PACSIN2: variants seen among roughly 807,000 people sequenced by gnomAD.
PACSIN2 encodes protein kinase C and casein kinase substrate in neurons protein 2.
Under a neutral mutation model 63.8 loss-of-function variants are expected in PACSIN2, and 25 were observed. The ratio of observed to expected loss-of-function variants is 0.39; its 90% CI spans 0.29 to 0.55. The LOEUF (loss-of-function observed/expected upper bound fraction) is 0.55, where lower values mean the gene tolerates loss of function less well. Among genes scored for constraint, PACSIN2 ranks in the 20% least tolerant of loss-of-function variants. The pLI is 0.62. For missense variants in PACSIN2, 518 were observed against 646.9 expected (o/e 0.80, Z 2.16); for synonymous variants, 255 against 256.2 (o/e 1.00, Z 0.05).
chr22:42,909,658 A>G, intron 2 of PACSIN2: 1 of 461,752 alleles, frequency 2.2e-6, no homozygotes, highest in East Asian at 7.1e-5. Context: ...TACTGACATT[A>G]TTGCAGTTGA....
intron 2 of PACSIN2, among the ~76,000 whole-genome samples, chr22:42,902,237 G>A (rs1291172017): frequency 3.9e-5 from 6 of 152,198 alleles, no homozygotes; most frequent in Admixed American, 1.3e-4. Flanking sequence ...TGTTTGAGGC[G>A]GTAGCTGAAG....
chr22:42,981,778 T>G (rs1331846569), intron 1 of PACSIN2, among the ~76,000 whole-genome samples: 526 of 62,154 alleles, frequency 8.5e-3, no homozygotes, highest in African/African-American at 0.015. Flanking sequence ...GGGAGGTGGG[T>G]GGGTCAGCCC....
chr22:42,983,303 C>A (rs1372461129), intron 1 of PACSIN2, among the ~76,000 whole-genome samples: 3 of 135,108 alleles, frequency 2.2e-5, no homozygotes, highest in African/African-American at 8.6e-5. Context: ...GGCAACAGAG[C>A]GAGACTCCAT....
intron 1 of PACSIN2, among the ~76,000 whole-genome samples, chr22:43,004,810 G>C (rs1220008369): frequency 6.6e-6 from 1 of 152,214 alleles, no homozygotes; most frequent in Admixed American, 6.5e-5. Context: ...AGGCCTCCCT[G>C]GGCGCTCTGG....
At chr22:42,919,330 C>T (rs957798854) in intron 1 of PACSIN2, among the ~76,000 whole-genome samples, 2 of 152,042 alleles carry the variant, frequency 1.3e-5, no homozygotes, top group Non-Finnish European at 2.9e-5. Flanking sequence ...AGGCTCGGGG[C>T]GACAGCTGTG....
chr22:42,884,694 C>G (rs1929348221), intron 5 of PACSIN2, 133 bp from the exon 6 acceptor site: 1 of 667,464 alleles, frequency 1.5e-6, no homozygotes, highest in South Asian at 2.0e-5. Context: ...TTCTGACAGA[C>G]TTCAAGTTCA....
intron 7 of PACSIN2, among the ~76,000 whole-genome samples, chr22:42,881,080 G>A (rs903543286): frequency 6.6e-6 from 1 of 152,210 alleles, no homozygotes; most frequent in Non-Finnish European, 1.5e-5. Flanking sequence ...CTGCTCTACT[G>A]CCTCCTACTG....
At chr22:42,921,075 T>C (rs1249752017) in intron 1 of PACSIN2, among the ~76,000 whole-genome samples, 1 of 151,982 alleles carries the variant, frequency 6.6e-6, no homozygotes, top group Non-Finnish European at 1.5e-5. Flanking sequence ...AAAAATGTAT[T>C]TGGGCCAGGT....
chr22:42,916,812 C>A (rs1031940936), intron 1 of PACSIN2, among the ~76,000 whole-genome samples: 2 of 152,152 alleles, frequency 1.3e-5, no homozygotes, highest in Non-Finnish European at 2.9e-5. Flanking sequence ...CCAGCAGTGA[C>A]GAAGTCACCT....
chr22:42,892,066 C>T (rs1929949271), intron 3 of PACSIN2, among the ~76,000 whole-genome samples: 2 of 152,216 alleles, frequency 1.3e-5, no homozygotes, highest in Admixed American at 6.5e-5. Flanking sequence ...AAGCAGGAGC[C>T]TGCTCTGGAC....
At chr22:42,923,413 A>G (rs184301820) in intron 1 of PACSIN2, among the ~76,000 whole-genome samples, 67 of 151,438 alleles carry the variant, frequency 4.4e-4, no homozygotes, top group Admixed American at 2.6e-3. Flanking sequence ...ATCTTCAACT[A>G]TTTCTCCTTC....
intron 1 of PACSIN2, among the ~76,000 whole-genome samples, chr22:42,965,957 T>TAATCATAAATAAATA (rs1920950890): frequency 6.6e-6 from 1 of 151,854 alleles, no homozygotes; most frequent in African/African-American, 2.4e-5. Context: ...ATAAATAAAT[T>TAATCATAAATAAATA]ATGTGAAAAT....
intron 1 of PACSIN2, among the ~76,000 whole-genome samples, chr22:42,975,353 T>C (rs1298604217): frequency 6.6e-6 from 1 of 151,826 alleles, no homozygotes; most frequent in Non-Finnish European, 1.5e-5. Context: ...GCATGGTGGC[T>C]CATGCCTATA....
chr22:43,005,518 G>C (rs978396483), intron 1 of PACSIN2, among the ~76,000 whole-genome samples: 1 of 152,184 alleles, frequency 6.6e-6, no homozygotes, highest in Admixed American at 6.5e-5. Flanking sequence ...CAGGATATGA[G>C]GGGAGTCCAT....
At chr22:42,885,204 T>C (rs778633551) in intron 5 of PACSIN2, among the ~76,000 whole-genome samples, 3 of 152,114 alleles carry the variant, frequency 2.0e-5, no homozygotes, top group Admixed American at 6.5e-5. Context: ...AGAAAACGTG[T>C]GAAATTCCTA....
intron 1 of PACSIN2, among the ~76,000 whole-genome samples, chr22:42,954,404 CTTTT>C (rs551109011): frequency 6.7e-6 from 1 of 149,952 alleles, no homozygotes; most frequent in African/African-American, 2.5e-5. Flanking sequence ...GAGAAACTGA[CTTTT>C]TTTTTTGAGA....
At chr22:42,992,452 T>C (rs1404235293) in intron 1 of PACSIN2, among the ~76,000 whole-genome samples, 3 of 152,222 alleles carry the variant, frequency 2.0e-5, no homozygotes, top group Middle Eastern at 3.4e-3. Context: ...CCCAGGGAAG[T>C]GGAAGCAGAT....
At chr22:42,954,483 C>T (rs80259910) in intron 1 of PACSIN2, among the ~76,000 whole-genome samples, 11,576 of 152,174 alleles carry the variant, frequency 0.076, 583 homozygotes, top group Non-Finnish European at 0.11. Flanking sequence ...GCAGCCTCAA[C>T]CTCCTGGGTG....
At chr22:42,883,160 A>G (rs1388182948) in intron 6 of PACSIN2, among the ~76,000 whole-genome samples, 1 of 152,148 alleles carries the variant, frequency 6.6e-6, no homozygotes, top group Non-Finnish European at 1.5e-5. Context: ...ACACGATGGG[A>G]GTCACTCCAC....
Sources: gnomAD v4.1 joint callset for allele counts (sites outside exome capture counted in the v4.1 genomes callset) on GRCh38, gnomAD v4.1.1 for gene constraint, MANE v1.5 for transcripts, NCBI Gene and HGNC (gene_info 2026-07-23, HGNC 2026-07-21) for gene names.